The following COBL variants were observed in gnomAD, a reference collection of about 807,000 sequenced individuals.
The protein encoded by COBL is protein cordon-bleu.
In COBL, 51 loss-of-function variants were observed where a neutral mutation model predicts 98.8. The observed-to-expected ratio is 0.52, with a 90% CI of 0.41 to 0.65. The LOEUF is 0.65. Among genes scored for constraint, COBL ranks in the 30% least tolerant of loss-of-function variants. The pLI is 0.00. For missense variants in COBL, 1,617 were observed against 1,617.5 expected (o/e 1.00, Z 0.01); for synonymous variants, 634 against 651.7 (o/e 0.97, Z 0.41).
At chr7:51,309,255 A>G (rs906627512) in intron 1 of COBL, among the ~76,000 whole-genome samples, 1 of 152,090 alleles carries the variant, frequency 6.6e-6, no homozygotes, top group Admixed American at 6.5e-5. Flanking sequence ...GTGGAGCACG[A>G]AAGGACGGGG....
chr7:51,148,709 C>G (rs933048077), intron 5 of COBL, among the ~76,000 whole-genome samples: 1 of 152,140 alleles, frequency 6.6e-6, no homozygotes, highest in Non-Finnish European at 1.5e-5. Context: ...GCATTCTGAC[C>G]TCACCTGTCT....
intron 1 of COBL, among the ~76,000 whole-genome samples, chr7:51,245,713 A>G (rs1482436452): frequency 1.3e-5 from 2 of 152,220 alleles, no homozygotes; most frequent in African/African-American, 4.8e-5. Flanking sequence ...AGATCTCAGA[A>G]AGGTTCTAGA....
intron 7 of COBL, among the ~76,000 whole-genome samples, chr7:51,060,026 G>A (rs1299502069): frequency 1.3e-5 from 2 of 152,068 alleles, no homozygotes; most frequent in Non-Finnish European, 2.9e-5. Context: ...GGGTCCTGCC[G>A]TAAGCTCTGC....
chr7:51,229,029 C>T (rs1794470471), intron 1 of COBL, among the ~76,000 whole-genome samples: 1 of 152,176 alleles, frequency 6.6e-6, no homozygotes, highest in Non-Finnish European at 1.5e-5. Context: ...TGCATACATC[C>T]CAAGCTGTCC....
intron 2 of COBL, among the ~76,000 whole-genome samples, chr7:51,214,120 G>C (rs1459155274): frequency 6.6e-6 from 1 of 151,934 alleles, no homozygotes; most frequent in Non-Finnish European, 1.5e-5. Context: ...GCAAATATTA[G>C]CTGGACGTGG....
chr7:51,146,910 G>A (rs1344249350), intron 5 of COBL, among the ~76,000 whole-genome samples: 5 of 152,310 alleles, frequency 3.3e-5, no homozygotes, highest in East Asian at 1.9e-4. Context: ...GAGCAGATAC[G>A]GCTGCTGATC....
intron 6 of COBL, among the ~76,000 whole-genome samples, chr7:51,116,547 T>C (rs1362168183): frequency 6.6e-6 from 1 of 152,150 alleles, no homozygotes; most frequent in Admixed American, 6.5e-5. Flanking sequence ...CAATCACATA[T>C]ATTGGAAGTA....
chr7:51,031,134 T>C (rs1415708088), intron 8 of COBL: 5 of 548,340 alleles, frequency 9.1e-6, no homozygotes, highest in Non-Finnish European at 1.6e-5. Flanking sequence ...GTAGCGTGTG[T>C]GCATGTGTGG....
Position 51,061,946 on chromosome 7 carries a change from T to TACAC in COBL, c.1097-18255_1097-18254insGTGT, listed in dbSNP as rs1395412693. On this transcript the variant is annotated intron_variant, in intron 7 of 12. Transcript: ENST00000265136. Reference sequence around the variant, plus strand: ...TATAAAAAAAAATCTCTCCCCACCATAGATACACACACACACACACACACA... The same window carrying TACAC: ...TATAAAAAAAAATCTCTCCCCACCATACACAGATACACACACACACACACACACA... Among the ~76,000 whole-genome samples, 808 of 96,134 alleles carry TACAC rather than the reference T, an allele frequency of 8.4e-3. 20 individuals carry two copies. Among genetic ancestry groups the TACAC allele is most frequent in the African/African-American group, 0.025 (705 of 28,164 alleles). The allele number at this position is 96,134 out of a possible 152,430, so 63.1% of individuals were successfully genotyped here.
intron 5 of COBL, among the ~76,000 whole-genome samples, chr7:51,177,638 T>C (rs1584065660): frequency 6.6e-6 from 1 of 151,912 alleles, no homozygotes; most frequent in Non-Finnish European, 1.5e-5. Flanking sequence ...CCAGCCATGG[T>C]AGCAGGCGCC....
chr7:51,190,371 C>T (rs1461539300), intron 4 of COBL, among the ~76,000 whole-genome samples: 1 of 152,002 alleles, frequency 6.6e-6, no homozygotes, highest in African/African-American at 2.4e-5. Flanking sequence ...TGCACCACCA[C>T]GTCTGGCTAA....
In COBL at chr7:51,283,669, G is replaced by C. The variant is rs1341425670; in HGVS notation, c.41+32924C>G. Among the ~76,000 whole-genome samples the C allele has an allele frequency of 2.6e-5, 4 of 151,952 alleles. No individual in the cohort carries two copies. The East Asian group carries it at 7.7e-4, about 29-fold the overall frequency. On this transcript the variant is annotated intron_variant, in intron 1 of 12. Coordinates refer to ENST00000265136, the MANE Select transcript of COBL (RefSeq NM_015198.5). Reference sequence around the variant, plus strand: ...CCAGCTAATTTTTGTATTTTTAGTAGAGACGGGGTTTCACCATGTTGGTCA... The same window carrying C: ...CCAGCTAATTTTTGTATTTTTAGTACAGACGGGGTTTCACCATGTTGGTCA...
chr7:51,102,048 G>A (rs1263423153), intron 6 of COBL, among the ~76,000 whole-genome samples: 1 of 152,182 alleles, frequency 6.6e-6, no homozygotes, highest in Admixed American at 6.5e-5. Flanking sequence ...AGCAAAAAAA[G>A]AGTTGTCAGA....
rs1159827465 is a variant in COBL at position 51,222,661 on chromosome 7, G to C, written c.42-2717C>G. Among the ~76,000 whole-genome samples the C allele has an allele frequency of 2.6e-5, 4 of 152,134 alleles. 1 individual carries two copies. In the Middle Eastern group the frequency reaches 0.01, roughly 388 times the overall value. ...CTTTCATTAACCACCCTTTGGTCTA[G>C]GGGTAGAGGCCCAGGCTCGGAGACA... On this transcript the variant is annotated intron_variant, in intron 1 of 12. Coordinates refer to ENST00000265136, the MANE Select transcript of COBL (RefSeq NM_015198.5).
rs546323140 is a variant in COBL at position 51,046,882 on chromosome 7, C to A, written c.1097-3190G>T. Among the ~76,000 whole-genome samples the A allele has an allele frequency of 1.1e-3, 168 of 152,300 alleles. 4 individuals are homozygous for A. In the South Asian group the frequency reaches 0.033, roughly 30 times the overall value. ...TGCACTCTGAACAATCCCCTTTCCC[C>A]TTTCTGTAAAATAAGCAGTTGGCTC... On this transcript the variant is annotated intron_variant, in intron 7 of 12. Transcript: ENST00000265136.
intron 7 of COBL, chr7:51,072,069 C>T (rs1792613770): frequency 6.6e-6 from 1 of 151,120 alleles, no homozygotes. Flanking sequence ...GTGATAATTC[C>T]TTCATTAGTC....
chr7:51,225,483 C>A (rs755470768), intron 1 of COBL, among the ~76,000 whole-genome samples: 1 of 152,216 alleles, frequency 6.6e-6, no homozygotes, highest in South Asian at 2.1e-4. Flanking sequence ...CTTCCTCTCA[C>A]CCCCTCCAGT....
chr7:51,020,190 T>C (rs1395863544), intron 12 of COBL, among the ~76,000 whole-genome samples: 2 of 152,178 alleles, frequency 1.3e-5, no homozygotes, highest in African/African-American at 2.4e-5. Flanking sequence ...AAGTCACTTA[T>C]GATGTCTGTG....
In COBL at chr7:51,209,410, C is replaced by A. The variant is rs74460584; in HGVS notation, c.245+10331G>T. On this transcript the variant is annotated intron_variant, in intron 2 of 12. Coordinates refer to ENST00000265136, the MANE Select transcript of COBL (RefSeq NM_015198.5). ...CTGGTGGCAGTGGGAGCACCTGGTGCGGCCTGGGCAGCCCCAACCCTCCAG... is the reference window on the plus strand; with the variant it reads ...CTGGTGGCAGTGGGAGCACCTGGTGAGGCCTGGGCAGCCCCAACCCTCCAG... Among the ~76,000 whole-genome samples, 1,252 of 152,286 alleles carry A rather than the reference C, an allele frequency of 8.2e-3. 65 individuals are homozygous for A. In the South Asian group the frequency reaches 0.14, roughly 18 times the overall value.
Sources: gnomAD v4.1 joint callset for allele counts (sites outside exome capture counted in the v4.1 genomes callset) on GRCh38, gnomAD v4.1.1 for gene constraint, MANE v1.5 for transcripts, NCBI Gene and HGNC (gene_info 2026-07-23, HGNC 2026-07-21) for gene names.